The following SHCBP1 variants were observed in gnomAD, a reference collection of about 807,000 sequenced individuals.
SHCBP1 encodes SHC SH2 domain-binding protein 1.
SHCBP1 carries 60 observed loss-of-function variants against 75.1 expected under a neutral mutation model. The observed-to-expected ratio is 0.80, with a 90% confidence interval of 0.65 to 0.99. The LOEUF is 0.99. Ranked by LOEUF, SHCBP1 falls within the 50% of genes least tolerant of loss-of-function variation. The probability of loss-of-function intolerance (pLI) is 0.00; values close to 1 mark genes in which losing one functional copy is unlikely to be tolerated. For synonymous variants in SHCBP1, 290 were observed against 293.2 expected (o/e 0.99, Z 0.11); for missense variants, 709 against 809.4 (o/e 0.88, Z 1.50).
intron 4 of SHCBP1, among the ~76,000 whole-genome samples, chr16:46,615,134 T>C (rs565492268): frequency 1.3e-5 from 2 of 152,340 alleles, no homozygotes; most frequent in South Asian, 2.1e-4. Flanking sequence ...ACTTAATGAG[T>C]AGTAAATACA....
chr16:46,586,696 C>T (rs1169819190), intron 10 of SHCBP1, among the ~76,000 whole-genome samples: 1 of 152,102 alleles, frequency 6.6e-6, no homozygotes, highest in Non-Finnish European at 1.5e-5. Context: ...AAACAAAAAT[C>T]TTGAAAGCAT....
intron 8 of SHCBP1, among the ~76,000 whole-genome samples, chr16:46,601,634 G>T (rs1182141048): frequency 6.6e-6 from 1 of 152,156 alleles, no homozygotes; most frequent in Non-Finnish European, 1.5e-5. Flanking sequence ...ATGCTACCAG[G>T]GGTGGACTCT....
chr16:46,582,784 T>C (rs1964892915), intron 12 of SHCBP1, among the ~76,000 whole-genome samples: 1 of 152,190 alleles, frequency 6.6e-6, no homozygotes. Flanking sequence ...TGTGAAGAAA[T>C]AAAGAACTTG....
At chr16:46,611,675 T>A (rs917613501) in intron 4 of SHCBP1, among the ~76,000 whole-genome samples, 1 of 152,238 alleles carries the variant, frequency 6.6e-6, no homozygotes, top group Admixed American at 6.5e-5. Flanking sequence ...AACTTTTGTT[T>A]ATATCAGTCA....
At chr16:46,595,778 T>A (rs557053425) in intron 9 of SHCBP1, 108 bp from the exon 10 acceptor site, 1 of 637,174 alleles carries the variant, frequency 1.6e-6, no homozygotes, top group Admixed American at 3.5e-5. Context: ...TCTCAATGGC[T>A]ATCATTTAAA....
intron 10 of SHCBP1, among the ~76,000 whole-genome samples, chr16:46,586,673 T>A (rs1964959154): frequency 6.6e-6 from 1 of 152,136 alleles, no homozygotes; most frequent in Non-Finnish European, 1.5e-5. Context: ...ATAATTAAAC[T>A]AGTGTAAGCT....
intron 10 of SHCBP1, among the ~76,000 whole-genome samples, chr16:46,591,985 G>A (rs1325435318): frequency 2.0e-5 from 3 of 151,902 alleles, no homozygotes; most frequent in African/African-American, 4.8e-5. Context: ...AGCATTAAAT[G>A]CTTACATTAG....
At chr16:46,609,404 A>AGGTGCAAG (rs1470263323) in intron 4 of SHCBP1, among the ~76,000 whole-genome samples, 1 of 151,392 alleles carries the variant, frequency 6.6e-6, no homozygotes, top group Non-Finnish European at 1.5e-5. Flanking sequence ...GGGGTGGGGA[A>AGGTGCAAG]GGTGCAAGGG....
At position 46,582,034 on chromosome 16, in the gene SHCBP1, G is replaced by T; in HGVS notation, c.1714C>A (p.Gln572Lys). 1 of 1,604,178 alleles carries T rather than the reference G, an allele frequency of 6.2e-7. No homozygotes were observed. Among genetic ancestry groups the T allele is most frequent in the Non-Finnish European group, 8.5e-7 (1 of 1,175,806 alleles). ...GCCACATCTGGCTCTCCACTTGTCT[G>T]AATTTTAAGCGCTTTATTTTCTGGA... The part of the protein sequence containing the change: ...GTEENKALKI[Q>K]TSGEPDVAER... Residue 572 changes from glutamine to lysine, a missense_variant, in exon 13 of 13, where the codon CAG (glutamine) becomes AAG (lysine). By Grantham distance (53) the Gln-to-Lys change is moderately conservative. Coordinates refer to ENST00000303383, the MANE Select transcript of SHCBP1 (RefSeq NM_024745.5).
chr16:46,609,281 C>T lies in SHCBP1; in HGVS notation c.597-892G>A, dbSNP rs71380962. On this transcript the variant is annotated intron_variant, in intron 4 of 12. Transcript: ENST00000303383. The stretch of plus-strand genomic sequence containing the variant: ...GGCCGGGGCTGCAGTGAAGCGAGAT[C>T]GCACCACTGCACTCCAGCCTGGGCA... 4.6e-5 allele frequency among the ~76,000 whole-genome samples: 7 copies of T among 151,896 alleles called. No homozygotes were observed. The East Asian group carries it at 9.7e-4, about 21-fold the overall frequency.
chr16:46,595,548 C>T lies in SHCBP1; in HGVS notation c.1464+4G>A. 1 of 1,610,534 alleles carries T rather than the reference C, an allele frequency of 6.2e-7. No homozygotes were observed. Among genetic ancestry groups the T allele is most frequent in the Non-Finnish European group, 8.5e-7 (1 of 1,176,848 alleles). Reference sequence around the variant, plus strand: ...TACTTCCCCAAGAGGACAAGAGCTTCTACCTTGGCGCCATATAAATCCGAG... The same window carrying T: ...TACTTCCCCAAGAGGACAAGAGCTTTTACCTTGGCGCCATATAAATCCGAG... On this transcript the variant is annotated splice_donor_region_variant and intron_variant, in intron 10 of 12. Coordinates refer to ENST00000303383, the MANE Select transcript of SHCBP1 (RefSeq NM_024745.5).
At chr16:46,607,612 T>C (rs1384757066) in intron 5 of SHCBP1, among the ~76,000 whole-genome samples, 1 of 152,158 alleles carries the variant, frequency 6.6e-6, no homozygotes, top group East Asian at 1.9e-4. Context: ...AAAATTACCT[T>C]CTACAATTAT....
At chr16:46,604,165 T>C in intron 6 of SHCBP1, 22 bp from the exon 7 acceptor site, 3 of 1,613,456 alleles carry the variant, frequency 1.9e-6, no homozygotes, top group Non-Finnish European at 2.5e-6. Flanking sequence ...GAAACAGGCC[T>C]ATCAGTAAGA....
intron 9 of SHCBP1, among the ~76,000 whole-genome samples, chr16:46,597,221 G>A (rs1412966377): frequency 6.6e-6 from 1 of 152,002 alleles, no homozygotes; most frequent in Non-Finnish European, 1.5e-5. Context: ...GACCAGCCTG[G>A]GCAACATCGT....
At chr16:46,618,770 T>A (rs1472057396) in intron 1 of SHCBP1, among the ~76,000 whole-genome samples, 1 of 152,110 alleles carries the variant, frequency 6.6e-6, no homozygotes, top group Admixed American at 6.6e-5. Context: ...GCCTCCTGAG[T>A]AACTAGGACT....
At position 46,618,250 on chromosome 16, in the gene SHCBP1, G is replaced by C; in HGVS notation, c.226C>G (p.Leu76Val). The change falls in exon 2 of 13, where the codon CTT becomes GTT. Residue 76 changes from leucine (L) to valine (V), a missense_variant. By Grantham distance (32) the Leu-to-Val change is conservative (BLOSUM62 1). Transcript: ENST00000303383. ...FFPEIFQTNQLLFYERFRAYQ... is the reference protein window; with the variant it reads ...FFPEIFQTNQVLFYERFRAYQ... ...GCTCTGAATCGCTCATAGAACAAAA[G>C]TTGATTTGTTTGGAAAATTTCTGGG... is the stretch of plus-strand genomic sequence containing the variant. 6.2e-7 allele frequency: 1 copy of C among 1,612,360 alleles called. No homozygotes were observed. Among genetic ancestry groups the C allele is most frequent in the Non-Finnish European group, 8.5e-7 (1 of 1,179,588 alleles).
chr16:46,600,275 T>C (rs1259822889), intron 8 of SHCBP1, among the ~76,000 whole-genome samples: 1 of 152,172 alleles, frequency 6.6e-6, no homozygotes, highest in Non-Finnish European at 1.5e-5. Flanking sequence ...AAGACCAGCC[T>C]AGGCAACACA....
chr16:46,589,855 T>C (rs1426122433), intron 10 of SHCBP1, among the ~76,000 whole-genome samples: 1 of 152,162 alleles, frequency 6.6e-6, no homozygotes, highest in Non-Finnish European at 1.5e-5. Context: ...AGAGCCCACA[T>C]CGCCAAGACA....
At chr16:46,594,935 C>A (rs1965111833) in intron 10 of SHCBP1, among the ~76,000 whole-genome samples, 1 of 152,196 alleles carries the variant, frequency 6.6e-6, no homozygotes, top group African/African-American at 2.4e-5. Flanking sequence ...TTGGTACATA[C>A]AACGACCTAG....
Sources: gnomAD v4.1 joint callset for allele counts (sites outside exome capture counted in the v4.1 genomes callset) on GRCh38, gnomAD v4.1.1 for gene constraint, MANE v1.5 for transcripts, NCBI Gene and HGNC (gene_info 2026-07-23, HGNC 2026-07-21) for gene names.